Variants in ATL3 observed in about 807,000 individuals in gnomAD.
ATL3 encodes atlastin-3.
ATL3 carries 49 observed loss-of-function variants against 69.5 expected under a neutral mutation model. The observed-to-expected ratio is 0.71, with a 90% CI of 0.56 to 0.89. The LOEUF is 0.89. Ranked by LOEUF, ATL3 falls within the 40% of genes least tolerant of loss-of-function variation. The pLI is 0.00. For synonymous variants in ATL3, 214 were observed against 224.1 expected (o/e 0.95, Z 0.40); for missense variants, 606 against 645.7 (o/e 0.94, Z 0.67).
At chr11:63,662,767 C>T (rs568324286) in intron 1 of ATL3, among the ~76,000 whole-genome samples, 10 of 152,268 alleles carry the variant, frequency 6.6e-5, no homozygotes, top group African/African-American at 2.4e-4. Flanking sequence ...CGACACCGTA[C>T]CCAGCCAAGA....
chr11:63,630,800 C>CAAA (rs58752695), intron 12 of ATL3, among the ~76,000 whole-genome samples: 1 of 109,926 alleles, frequency 9.1e-6, no homozygotes, highest in African/African-American at 3.4e-5. Context: ...GACTTTGTCT[C>CAAA]AAAAAAAAAA....
chr11:63,659,746 C>A (rs1486986717), intron 1 of ATL3, among the ~76,000 whole-genome samples: 3 of 151,996 alleles, frequency 2.0e-5, no homozygotes, highest in African/African-American at 7.2e-5. Flanking sequence ...ACCAGCCTGG[C>A]CAACATGACG....
Position 63,646,567 on chromosome 11 carries a change from T to C in ATL3, c.562-4A>G. 1 of 1,597,344 alleles carries C rather than the reference T, an allele frequency of 6.3e-7. No homozygotes were observed. The highest frequency in any genetic ancestry group is 8.5e-7 in the Non-Finnish European group (1 of 1,173,128). ...GACGACCGTATTCTGTGAAGAGCTT[T>C]AAAAAAGAAGCATTATGGTTTGTAA... On this transcript the variant is annotated splice_polypyrimidine_tract_variant and splice_region_variant and intron_variant, in intron 5 of 12. Coordinates refer to ENST00000398868, the MANE Select transcript of ATL3 (RefSeq NM_015459.5).
intron 12 of ATL3, among the ~76,000 whole-genome samples, chr11:63,630,088 C>T (rs1939255175): frequency 1.3e-5 from 2 of 151,886 alleles, no homozygotes; most frequent in South Asian, 4.2e-4. Flanking sequence ...AAGTGAGAAT[C>T]ACATAAAAAT....
chr11:63,662,227 A>G (rs1159429025), intron 1 of ATL3, among the ~76,000 whole-genome samples: 3 of 151,428 alleles, frequency 2.0e-5, no homozygotes, highest in Non-Finnish European at 2.9e-5. Context: ...AAAAAAAAAA[A>G]AAGAAAGAAA....
intron 3 of ATL3, among the ~76,000 whole-genome samples, chr11:63,654,155 T>C (rs939172496): frequency 2.0e-5 from 3 of 151,768 alleles, no homozygotes; most frequent in African/African-American, 4.8e-5. Flanking sequence ...ATTTGTTTTT[T>C]TTTTTTTTTT....
intron 5 of ATL3, chr11:63,650,747 G>T (rs564104642): frequency 1.3e-5 from 2 of 152,096 alleles, no homozygotes; most frequent in African/African-American, 4.8e-5. Flanking sequence ...CCTCACACAA[G>T]GTAAGCATTC....
intron 8 of ATL3, among the ~76,000 whole-genome samples, chr11:63,639,472 C>T (rs71454572): frequency 4.3e-4 from 66 of 152,230 alleles, no homozygotes; most frequent in Non-Finnish European, 7.8e-4. Flanking sequence ...ACTGGCTGGG[C>T]GTGGTGGCTC....
At chr11:63,652,202 G>A (rs545613470) in intron 4 of ATL3, among the ~76,000 whole-genome samples, 1 of 152,204 alleles carries the variant, frequency 6.6e-6, no homozygotes, top group Non-Finnish European at 1.5e-5. Flanking sequence ...GTTTTCCTAA[G>A]CTCTTATCAA....
rs759814318 is a variant in ATL3 at position 63,631,232 on chromosome 11, C to T, written c.1347G>A (p.Thr449=). ...AGGCTATGTACAAAGCTACAATGCCCGTGAACAGCACTGCAGGGGTTCGGA... is the reference window on the plus strand; with the variant it reads ...AGGCTATGTACAAAGCTACAATGCCTGTGAACAGCACTGCAGGGGTTCGGA... The part of the protein sequence containing the change: ...STFRTPAVLF[T]GIVALYIASG... The change falls in exon 12 of 13, where the codon ACG becomes ACA. Residue 449 remains threonine (T), a synonymous_variant. Coordinates refer to ENST00000398868, the MANE Select transcript of ATL3 (RefSeq NM_015459.5). 7.4e-6 allele frequency: 12 copies of T among 1,614,060 alleles called. No individual in the cohort carries two copies. In the Admixed American group the frequency reaches 1.2e-4, roughly 16 times the overall value.
At chr11:63,646,653 T>G in intron 5 of ATL3, 90 bp from the exon 6 acceptor site, 1 of 785,804 alleles carries the variant, frequency 1.3e-6, no homozygotes, top group South Asian at 1.7e-5. Flanking sequence ...ATATTTATAC[T>G]GATACCAGAC....
rs759660422 is a variant in ATL3 at position 63,636,175 on chromosome 11, C to A, written c.978+32G>T. On this transcript the variant is annotated intron_variant, in intron 9 of 12. Coordinates refer to ENST00000398868, the MANE Select transcript of ATL3 (RefSeq NM_015459.5). Reference sequence around the variant, plus strand: ...GAGTGAGATCAGCTTTACCAAAAATCAAACATTTTAATAACTAAAACCCAT... The same window carrying A: ...GAGTGAGATCAGCTTTACCAAAAATAAAACATTTTAATAACTAAAACCCAT... 1.6e-5 allele frequency: 26 copies of A among 1,590,676 alleles called. No homozygotes were observed. In the South Asian group the frequency reaches 3.0e-4, roughly 18 times the overall value.
chr11:63,632,922 C>T (rs755276911), intron 11 of ATL3, 104 bp downstream of exon 11: 15 of 1,037,120 alleles, frequency 1.4e-5, no homozygotes, highest in Non-Finnish European at 1.8e-5. Context: ...AGTTTATTGC[C>T]TCATCACTTA....
chr11:63,629,922 T>C (rs1939250028), intron 12 of ATL3, among the ~76,000 whole-genome samples: 1 of 152,034 alleles, frequency 6.6e-6, no homozygotes, highest in African/African-American at 2.4e-5. Flanking sequence ...AATAAATAAA[T>C]AACCAAGCCA....
chr11:63,636,329 C>A lies in ATL3; in HGVS notation c.856G>T (p.Ala286Ser), dbSNP rs1361085781. The change falls in exon 9 of 13, where the codon GCT becomes TCT. Residue 286 changes from alanine to serine, a missense_variant. Coordinates refer to ENST00000398868, the MANE Select transcript of ATL3 (RefSeq NM_015459.5). ...TGTAACTGCTCTTTGAATTCACCAG[C>A]AATATCTGTTCACAGGACGACAAAG... is the stretch of plus-strand genomic sequence containing the variant. ...PDFDGKLKDI[A>S]GEFKEQLQAL... is the part of the protein sequence containing the mutation. 3 of 1,614,036 alleles carry A rather than the reference C, an allele frequency of 1.9e-6. No individual in the cohort carries two copies. The highest frequency in any genetic ancestry group is 2.5e-6 in the Non-Finnish European group (3 of 1,179,986).
intron 1 of ATL3, among the ~76,000 whole-genome samples, chr11:63,660,077 CCT>C (rs1384291998): frequency 6.7e-6 from 1 of 150,002 alleles, no homozygotes; most frequent in African/African-American, 2.4e-5. Flanking sequence ...AAAAAAAGAC[CCT>C]GTCTCAAAGA....
chr11:63,640,032 A>G (rs10751000), intron 8 of ATL3, among the ~76,000 whole-genome samples: 74,653 of 151,586 alleles, frequency 0.49, 18,787 homozygotes, highest in East Asian at 0.8. Context: ...GGGTTCAAGT[A>G]ATTCTCCTGC....
rs1939220717 is a variant in ATL3, at chr11:63,629,194, T to C, written c.*125A>G. The C allele has an allele frequency of 5.7e-6, 4 of 701,358 alleles. No individual in the cohort carries two copies. The highest frequency in any genetic ancestry group is 5.1e-6 in the Non-Finnish European group (2 of 395,642). The allele number at this position is 701,358 out of a possible 1,614,324, so 43.4% of individuals were successfully genotyped here. On this transcript the variant is annotated 3_prime_UTR_variant, in exon 13 of 13. Coordinates refer to ENST00000398868, the MANE Select transcript of ATL3 (RefSeq NM_015459.5). ...GGTCTGCTCATTTATTACAGGGCCA[T>C]GTTTTAGCTCTTCCTGGATCGTCTC...
chr11:63,646,066 A>AT (rs36066005), intron 6 of ATL3, among the ~76,000 whole-genome samples: 149,970 of 152,046 alleles, frequency 0.99, 73,955 homozygotes, highest in East Asian at 1. Context: ...ACCTACCCCC[A>AT]TTTTTTTAAG....
Sources: allele counts gnomAD v4.1 joint callset (sites outside exome capture counted in the v4.1 genomes callset), GRCh38; gene constraint gnomAD v4.1.1; transcripts MANE v1.5; gene names NCBI Gene and HGNC (gene_info 2026-07-23, HGNC 2026-07-21).